Variants in RAD17 observed in about 807,000 individuals in gnomAD.
RAD17 encodes RAD17 checkpoint clamp loader component.
Under a neutral mutation model 81.5 loss-of-function variants are expected in RAD17, and 31 were observed. The ratio of observed to expected loss-of-function variants is 0.38; its 90% CI spans 0.29 to 0.51. RAD17 has a LOEUF of 0.51. RAD17 is among the 20% of genes least tolerant of loss of function. The pLI is 0.88. For missense variants in RAD17, 681 were observed against 781.2 expected (o/e 0.87, Z 1.53); for synonymous variants, 261 against 266.2 (o/e 0.98, Z 0.19).
chr5:69,386,418 A>AT lies in RAD17; in HGVS notation c.849dup (p.Met284TyrfsTer6). On this transcript the variant is annotated frameshift_variant, in exon 11 of 19. Transcript: ENST00000354868. LOFTEE classifies it high-confidence loss of function. Reference sequence around the variant, plus strand: ...TAGTTTCAACCCTGTGGCACCAACAATTATGATGAAATTTCTTAATCGAAT... The same window carrying AT: ...TAGTTTCAACCCTGTGGCACCAACAATTTATGATGAAATTTCTTAATCGAAT... 6.3e-7 allele frequency: 1 copy of AT among 1,598,838 alleles called. No homozygotes were observed. The highest frequency in any genetic ancestry group is 8.5e-7 in the Non-Finnish European group (1 of 1,174,530).
Position 69,390,538 on chromosome 5 carries a change from AAC to A in RAD17, c.1007-1291_1007-1290del, listed in dbSNP as rs563713436. Among the ~76,000 whole-genome samples the A allele has an allele frequency of 2.6e-3, 401 of 152,280 alleles. 1 individual carries two copies. Among genetic ancestry groups the A allele is most frequent in the African/African-American group, 9.4e-3 (392 of 41,568 alleles). On this transcript the variant is annotated intron_variant, in intron 12 of 18. Transcript: ENST00000354868. Reference sequence around the variant, plus strand: ...GCATATTCATAAATTGGATACTCTCAACATCAATAGAGAGGTTGTTAAACATA... The same window carrying A: ...GCATATTCATAAATTGGATACTCTCAATCAATAGAGAGGTTGTTAAACATA...
chr5:69,395,273 G>T (rs545126984), intron 15 of RAD17, among the ~76,000 whole-genome samples: 21 of 152,286 alleles, frequency 1.4e-4, no homozygotes, highest in Middle Eastern at 3.4e-3. Context: ...CACTTTGGGA[G>T]TCCAAGGCAG....
intron 11 of RAD17, 67 bp from the exon 12 acceptor site, chr5:69,388,967 T>C (rs1343140871): frequency 1.3e-6 from 1 of 772,556 alleles, no homozygotes; most frequent in Non-Finnish European, 1.9e-6. Context: ...AGAAAATAGG[T>C]TGGGGTTTTT....
chr5:69,401,944 C>T (rs1765295757), intron 17 of RAD17, among the ~76,000 whole-genome samples: 1 of 126,374 alleles, frequency 7.9e-6, no homozygotes, highest in Non-Finnish European at 1.6e-5. Flanking sequence ...GCGGAGCTTG[C>T]AGTGAGCCGA....
intron 6 of RAD17, among the ~76,000 whole-genome samples, chr5:69,379,396 A>G (rs1580369169): frequency 6.6e-6 from 1 of 152,290 alleles, no homozygotes. Context: ...ATTACTGTGC[A>G]CTATTGTAGA....
intron 18 of RAD17, among the ~76,000 whole-genome samples, chr5:69,411,721 C>T (rs1302304309): frequency 6.6e-6 from 1 of 152,236 alleles, no homozygotes; most frequent in African/African-American, 2.4e-5. Context: ...TTCATAAACA[C>T]TGCTTTTCTT....
intron 8 of RAD17, 21 bp downstream of exon 8, chr5:69,384,954 C>CT (rs375164458): frequency 0.075 from 94,004 of 1,251,806 alleles, 30 homozygotes; most frequent in Middle Eastern, 0.08. Flanking sequence ...CTTTTAAAAT[C>CT]TTTTTTTTTT....
intron 6 of RAD17, among the ~76,000 whole-genome samples, chr5:69,375,765 T>A (rs1763295879): frequency 6.6e-6 from 1 of 152,180 alleles, no homozygotes; most frequent in Non-Finnish European, 1.5e-5. Flanking sequence ...AAAATGTCTT[T>A]TGTAGCTGGT....
chr5:69,413,375 G>T (rs1051148512), intron 18 of RAD17, among the ~76,000 whole-genome samples: 19 of 152,146 alleles, frequency 1.2e-4, no homozygotes, highest in Non-Finnish European at 2.1e-4. Context: ...GGAGGCAGAG[G>T]TTGCAGTAAA....
intron 4 of RAD17, among the ~76,000 whole-genome samples, chr5:69,373,242 T>TA (rs1005515105): frequency 3.3e-5 from 5 of 152,190 alleles, no homozygotes; most frequent in Admixed American, 2.6e-4. Context: ...ACAGAGAGTT[T>TA]AAAAAAATCA....
chr5:69,373,856 T>G lies in RAD17; in HGVS notation c.36T>G (p.Phe12Leu). 6.2e-7 allele frequency: 1 copy of G among 1,609,444 alleles called. No homozygotes were observed. Among genetic ancestry groups the G allele is most frequent in the Admixed American group, 1.7e-5 (1 of 59,296 alleles). The change falls in exon 5 of 19, where the codon TTT (phenylalanine) becomes TTG (leucine). Residue 12 changes from phenylalanine to leucine, a missense_variant. Phe to Leu is a conservative substitution (Grantham distance 22). Coordinates refer to ENST00000354868, the MANE Select transcript of RAD17 (RefSeq NM_133338.3). ...NQVTDWVDPS[F>L]DDFLECSGVS... ...TAACAGACTGGGTTGACCCATCATT[T>G]GATGATTTTCTAGAGTGTAGTGGCG...
chr5:69,407,504 A>AT (rs1454118082), intron 17 of RAD17, among the ~76,000 whole-genome samples: 2 of 122,472 alleles, frequency 1.6e-5, no homozygotes, highest in African/African-American at 6.0e-5. Context: ...AGTGTTCCAC[A>AT]TTTTTCTGAG....
intron 16 of RAD17, among the ~76,000 whole-genome samples, chr5:69,396,981 A>T (rs936415288): frequency 1.3e-4 from 20 of 148,508 alleles, no homozygotes; most frequent in Admixed American, 1.1e-3. Context: ...TACAGGCGCC[A>T]GCCACCACGC....
upstream of RAD17, chr5:69,369,555 G>A (rs1262614054): frequency 2.5e-6 from 4 of 1,609,194 alleles, no homozygotes; most frequent in African/African-American, 1.3e-5. Flanking sequence ...GGAGGAGCCG[G>A]AAGGGGCGGG....
upstream of RAD17, chr5:69,369,607 C>A: frequency 6.3e-7 from 1 of 1,583,246 alleles, no homozygotes; most frequent in East Asian, 2.3e-5. Context: ...CGAAGCCCAC[C>A]GCGGCGCCCC....
chr5:69,405,354 A>C (rs1168410), intron 17 of RAD17, among the ~76,000 whole-genome samples: 51,653 of 149,152 alleles, frequency 0.35, 10,265 homozygotes, highest in Non-Finnish European at 0.47. Context: ...CACACACACA[A>C]AAAAAAAAAA....
chr5:69,370,295 A>G (rs4252215), intron 1 of RAD17: 1,552 of 152,664 alleles, frequency 0.01, 13 homozygotes, highest in Middle Eastern at 0.017. Context: ...GTAATTGTCA[A>G]TCTTGTTTTC....
In RAD17 at chr5:69,374,710, A is replaced by G. The variant is rs1763231457; in HGVS notation, c.350A>G (p.Gln117Arg). 2 of 1,597,990 alleles carry G rather than the reference A, an allele frequency of 1.3e-6. No homozygotes were observed. Among genetic ancestry groups the G allele is most frequent in the African/African-American group, 2.7e-5 (2 of 74,412 alleles). ...KAQVLERQPK[Q>R]GGSILLITGP... is the part of the protein sequence containing the mutation. Reference sequence around the variant, plus strand: ...CAAGTTTTAGAAAGGCAACCAAAACAGGTAACTAAGAAATGTGTTTTTAAA... The same window carrying G: ...CAAGTTTTAGAAAGGCAACCAAAACGGGTAACTAAGAAATGTGTTTTTAAA... The change falls in exon 6 of 19, where the codon CAG (glutamine) becomes CGG (arginine). Residue 117 changes from glutamine (Q) to arginine (R), a missense_variant and splice_region_variant. Physicochemically the swap from Gln to Arg is conservative, Grantham distance 43. Coordinates refer to ENST00000354868, the MANE Select transcript of RAD17 (RefSeq NM_133338.3).
chr5:69,400,371 C>T (rs1213493719), intron 17 of RAD17, among the ~76,000 whole-genome samples: 1 of 151,828 alleles, frequency 6.6e-6, no homozygotes, highest in East Asian at 1.9e-4. Context: ...GCACGCGCCC[C>T]CACACCTGGC....
Sources: gnomAD v4.1 joint callset for allele counts (sites outside exome capture counted in the v4.1 genomes callset) on GRCh38, gnomAD v4.1.1 for gene constraint, MANE v1.5 for transcripts, NCBI Gene and HGNC (gene_info 2026-07-23, HGNC 2026-07-21) for gene names.